PIEZO2: variants seen among roughly 807,000 people sequenced by gnomAD.
PIEZO2 encodes piezo-type mechanosensitive ion channel component 2.
PIEZO2 carries 172 observed loss-of-function variants against 337.3 expected under a neutral mutation model. The observed-to-expected ratio is 0.51, with a 90% CI of 0.45 to 0.58. PIEZO2 has a LOEUF of 0.58. PIEZO2 is among the 20% of genes least tolerant of loss of function. PIEZO2 has a pLI of 0.00. For synonymous variants in PIEZO2, 1,251 were observed against 1,228.5 expected, an observed-to-expected ratio of 1.02 and a Z score of -0.38; for missense variants, 3,028 against 3,391.3, an observed-to-expected ratio of 0.89 and a Z score of 2.66.
intron 3 of PIEZO2, among the ~76,000 whole-genome samples, chr18:10,974,173 C>T (rs2034348077): frequency 6.6e-6 from 1 of 152,140 alleles, no homozygotes; most frequent in African/African-American, 2.4e-5. Flanking sequence ...GTCTTCTTGT[C>T]GTAGGCCGAC....
intron 8 of PIEZO2, among the ~76,000 whole-genome samples, chr18:10,805,160 G>A (rs923722996): frequency 1.3e-5 from 2 of 152,192 alleles, no homozygotes; most frequent in Non-Finnish European, 2.9e-5. Flanking sequence ...AAAGCAAATG[G>A]GCTGGGAAAT....
At position 10,750,045 on chromosome 18, in the gene PIEZO2, C is replaced by A; in HGVS notation, c.4264+46G>T. Reference sequence around the variant, plus strand: ...TTAAAACTAGAACAATACAACTATCCTCCCTCTTCTGCCTTTCTGCCTTCA... The same window carrying A: ...TTAAAACTAGAACAATACAACTATCATCCCTCTTCTGCCTTTCTGCCTTCA... On this transcript the variant is annotated intron_variant, in intron 29 of 55. Transcript: ENST00000674853. This position sits in a 1 kb window ranked among gnomAD's most constrained non-coding sequence, Gnocchi z 4.1. The A allele has an allele frequency of 7.3e-7, 1 of 1,368,518 alleles. No homozygotes were observed. Among genetic ancestry groups the A allele is most frequent in the Non-Finnish European group, 1.0e-6 (1 of 993,122 alleles). 84.8% of individuals were successfully genotyped at this position (1,368,518 alleles called of 1,614,324 possible). A position where few individuals can be genotyped will look rare whatever the true frequency, so the allele number is the denominator to read the frequency against.
At chr18:10,745,268 C>T (rs989006472) in intron 30 of PIEZO2, among the ~76,000 whole-genome samples, 1 of 152,172 alleles carries the variant, frequency 6.6e-6, no homozygotes, top group African/African-American at 2.4e-5. Flanking sequence ...CTGCTTCTTC[C>T]TCTCTTCTTG....
chr18:10,752,993 C>T, intron 27 of PIEZO2, 114 bp from the exon 28 acceptor site: 1 of 1,280,916 alleles, frequency 7.8e-7, no homozygotes. Flanking sequence ...CCTTGCAAAT[C>T]AGACTGTGAG....
intron 2 of PIEZO2, among the ~76,000 whole-genome samples, chr18:10,997,244 C>CAAA (rs574657633): frequency 9.0e-6 from 1 of 111,014 alleles, no homozygotes; most frequent in Non-Finnish European, 1.9e-5. Context: ...TGACTGCCTG[C>CAAA]AAAAAAAAAA....
rs182926084 is a variant in PIEZO2 at position 11,138,823 on chromosome 18, G to A, written c.64+9702C>T. 2.8e-4 allele frequency among the ~76,000 whole-genome samples: 42 copies of A among 152,286 alleles called. No individual in the cohort carries two copies. In the East Asian group the frequency reaches 8.1e-3, roughly 29 times the overall value. On this transcript the variant is annotated intron_variant, in intron 1 of 55. Coordinates refer to ENST00000674853, the MANE Select transcript of PIEZO2 (RefSeq NM_001378183.1). ...TGGGAAGGAGAATTAAAGGAGAAAA[G>A]ATGTCACGTTGTTTCAAAGGTAACC...
chr18:10,803,446 G>T (rs1190550530), intron 9 of PIEZO2, among the ~76,000 whole-genome samples: 1 of 152,108 alleles, frequency 6.6e-6, no homozygotes, highest in Non-Finnish European at 1.5e-5. Flanking sequence ...AAAGTGATGA[G>T]CTCACTTCAT....
intron 2 of PIEZO2, among the ~76,000 whole-genome samples, chr18:11,026,746 C>G (rs990940682): frequency 8.5e-5 from 13 of 152,178 alleles, no homozygotes; most frequent in African/African-American, 3.1e-4. Context: ...CCCTCAGCAC[C>G]CTCTTCAAAA....
intron 26 of PIEZO2, 80 bp from the exon 27 acceptor site, chr18:10,758,214 C>T: frequency 7.1e-7 from 1 of 1,402,032 alleles, no homozygotes; most frequent in Non-Finnish European, 9.5e-7. Flanking sequence ...CATCACACAG[C>T]AACAGCCATT....
At chr18:10,792,538 T>C (rs1042090426) in intron 13 of PIEZO2, among the ~76,000 whole-genome samples, 4 of 152,366 alleles carry the variant, frequency 2.6e-5, no homozygotes, top group Admixed American at 2.6e-4. Context: ...ATATGTAGCC[T>C]TTCATAAATG....
rs187396062 is a variant in PIEZO2 at position 10,968,361 on chromosome 18, T to C, written c.286+11174A>G. On this transcript the variant is annotated intron_variant, in intron 3 of 55. Transcript: ENST00000674853. ...TGTTTTGATGACTATGGTCTTATAG[T>C]ATAGTTTGAAGTCAGGTAATGTGAT... Among the ~76,000 whole-genome samples, 28 of 152,358 alleles carry C rather than the reference T, an allele frequency of 1.8e-4. No homozygotes were observed. The East Asian group carries it at 4.0e-3, about 22-fold the overall frequency.
At chr18:10,810,649 A>G (rs2040159447) in intron 7 of PIEZO2, among the ~76,000 whole-genome samples, 1 of 152,184 alleles carries the variant, frequency 6.6e-6, no homozygotes, top group Admixed American at 6.5e-5. Flanking sequence ...GGGGTTTACC[A>G]TAAAATCTCA....
chr18:10,737,145 C>T lies in PIEZO2; in HGVS notation c.4709-435G>A, dbSNP rs78634596. ...GAGGATTAGGCTTTGTCTGAATGGG[C>T]CCAAACCGTTGCAGATAAGCCAATC... On this transcript the variant is annotated intron_variant, in intron 33 of 55. Transcript: ENST00000674853. 3.0e-3 allele frequency among the ~76,000 whole-genome samples: 453 copies of T among 152,090 alleles called. 1 individual carries two copies. The highest frequency in any genetic ancestry group is 8.1e-3 in the East Asian group (42 of 5,174).
At chr18:10,770,347 T>TA (rs1305874915) in intron 20 of PIEZO2, 39 bp from the exon 21 acceptor site, 1 of 1,487,878 alleles carries the variant, frequency 6.7e-7, no homozygotes, top group Non-Finnish European at 8.9e-7. Flanking sequence ...ATAACATTTT[T>TA]AAAAATATTA....
Position 10,784,732 on chromosome 18 carries a change from G to T in PIEZO2, c.2492+52C>A. ...AAGGTGGCCAACCTAAGGTAGGGTT[G>T]AAGAGCTGCCTTCCTGCTAATAAGA... On this transcript the variant is annotated intron_variant, in intron 17 of 55. Transcript: ENST00000674853. The surrounding 1 kb of genome is among the most constrained non-coding windows in gnomAD (Gnocchi z 4.5). The T allele has an allele frequency of 7.5e-7, 1 of 1,339,706 alleles. No individual in the cohort carries two copies. Among genetic ancestry groups the T allele is most frequent in the South Asian group, 1.5e-5 (1 of 66,110 alleles). 83.0% of individuals were successfully genotyped at this position (1,339,706 alleles called of 1,614,324 possible). A position where few individuals can be genotyped will look rare whatever the true frequency, so the allele number is the denominator to read the frequency against.
chr18:10,796,787 C>T (rs1305527247), intron 12 of PIEZO2, among the ~76,000 whole-genome samples: 1 of 152,176 alleles, frequency 6.6e-6, no homozygotes, highest in Non-Finnish European at 1.5e-5. Context: ...ACCCTGGCAG[C>T]CGCCACTCAT....
At chr18:11,113,773 C>G (rs1163461838) in intron 1 of PIEZO2, among the ~76,000 whole-genome samples, 1 of 152,198 alleles carries the variant, frequency 6.6e-6, no homozygotes, top group Non-Finnish European at 1.5e-5. Flanking sequence ...GCCTTCCTGG[C>G]CACCGCCCTC....
In PIEZO2 at chr18:10,726,449, G is replaced by A. The variant is rs1410150380; in HGVS notation, c.5029+4958C>T. 2.2e-5 allele frequency: 33 copies of A among 1,529,590 alleles called. No individual in the cohort carries two copies. The Admixed American group carries it at 5.4e-4, about 25-fold the overall frequency. The allele number at this position is 1,529,590 out of a possible 1,614,324, so 94.8% of individuals were successfully genotyped here. ...GCCGGCTGCGGTACGGGCTACGGCCGGCGAACCCCACGAGGAGGGCCTGGC... is the reference window on the plus strand; with the variant it reads ...GCCGGCTGCGGTACGGGCTACGGCCAGCGAACCCCACGAGGAGGGCCTGGC... On this transcript the variant is annotated intron_variant, in intron 36 of 55. Transcript: ENST00000674853. The surrounding 1 kb of genome is among the most constrained non-coding windows in gnomAD (Gnocchi z 5.9).
chr18:10,804,700 A>G (rs1254860176), intron 8 of PIEZO2, among the ~76,000 whole-genome samples: 2 of 152,170 alleles, frequency 1.3e-5, no homozygotes, highest in African/African-American at 4.8e-5. Flanking sequence ...TGGGGGCCAC[A>G]TATTACACTG....
Sources: allele counts gnomAD v4.1 joint callset (sites outside exome capture counted in the v4.1 genomes callset), GRCh38; gene constraint gnomAD v4.1.1; non-coding constraint Gnocchi (gnomAD v3.1); transcripts MANE v1.5; gene names NCBI Gene and HGNC (gene_info 2026-07-23, HGNC 2026-07-21).